The following AFAP1 variants were observed in gnomAD, a reference collection of about 807,000 sequenced individuals.
The protein encoded by AFAP1 is actin filament associated protein 1.
In AFAP1, 75 loss-of-function variants were observed where a neutral mutation model predicts 93.9. The observed-to-expected ratio is 0.80, with a 90% confidence interval of 0.66 to 0.97. The LOEUF is 0.97. Ranked by LOEUF, AFAP1 falls within the 50% of genes least tolerant of loss-of-function variation. The probability of loss-of-function intolerance (pLI) is 0.00; values close to 1 mark genes in which losing one functional copy is unlikely to be tolerated. For synonymous variants in AFAP1, 517 were observed against 430.7 expected, an observed-to-expected ratio of 1.20 and a Z score of -2.48; for missense variants, 1,201 against 1,050.8, an observed-to-expected ratio of 1.14 and a Z score of -1.98.
intron 16 of AFAP1, among the ~76,000 whole-genome samples, chr4:7,771,140 T>G (rs1163062434): frequency 6.6e-6 from 1 of 152,208 alleles, no homozygotes; most frequent in African/African-American, 2.4e-5. Flanking sequence ...GCCTCCCTCA[T>G]GAGAAGATAA....
chr4:7,816,223 G>T, intron 7 of AFAP1, 124 bp from the exon 8 acceptor site: 1 of 759,680 alleles, frequency 1.3e-6, no homozygotes, highest in Non-Finnish European at 2.1e-6. Context: ...TAGCAATCCA[G>T]AAGTGGTTAG....
At chr4:7,918,853 C>T (rs1409379775) in intron 1 of AFAP1, among the ~76,000 whole-genome samples, 1 of 134,172 alleles carries the variant, frequency 7.5e-6, no homozygotes, top group Admixed American at 7.8e-5. Context: ...CTGAGACGCT[C>T]GGCCCAGGTC....
rs547249268 is a variant in AFAP1, at chr4:7,847,457, G to T, written c.335-4107C>A. Among the ~76,000 whole-genome samples the T allele has an allele frequency of 6.4e-4, 98 of 152,252 alleles. 1 individual carries two copies. The highest frequency in any genetic ancestry group is 2.2e-3 in the African/African-American group (90 of 41,572). On this transcript the variant is annotated intron_variant, in intron 4 of 17. Coordinates refer to ENST00000420658, the MANE Select transcript of AFAP1 (RefSeq NM_001134647.2). ...ATGCTTAGCAATGACCCAATCAAGA[G>T]AACTCTCCGGAAAGTATGCTTAGCG...
At chr4:7,787,646 G>A (rs898315173) in intron 11 of AFAP1, among the ~76,000 whole-genome samples, 1 of 152,204 alleles carries the variant, frequency 6.6e-6, no homozygotes, top group Non-Finnish European at 1.5e-5. Flanking sequence ...CCGTTTAGTG[G>A]CCAGAGGTGA....
chr4:7,906,202 C>A (rs1239781188), intron 1 of AFAP1, among the ~76,000 whole-genome samples: 3 of 152,134 alleles, frequency 2.0e-5, no homozygotes, highest in Non-Finnish European at 4.4e-5. Flanking sequence ...GCCTCTACTC[C>A]CAGCTCTGCG....
chr4:7,848,151 G>T (rs542190431), intron 4 of AFAP1, among the ~76,000 whole-genome samples: 6 of 128,812 alleles, frequency 4.7e-5, no homozygotes, highest in Non-Finnish European at 8.1e-5. Context: ...GAGTGAACAG[G>T]TAGATGGGTA....
chr4:7,915,321 T>C (rs1008742309), intron 1 of AFAP1, among the ~76,000 whole-genome samples: 4 of 113,438 alleles, frequency 3.5e-5, no homozygotes, highest in Non-Finnish European at 3.4e-5. Flanking sequence ...AGCATTTTTT[T>C]CCACATATTT....
chr4:7,771,183 T>G (rs1399322228), intron 16 of AFAP1, among the ~76,000 whole-genome samples: 1 of 152,246 alleles, frequency 6.6e-6, no homozygotes, highest in African/African-American at 2.4e-5. Context: ...ACCTATCTTG[T>G]TCATAACTGC....
intron 1 of AFAP1, among the ~76,000 whole-genome samples, chr4:7,888,623 T>G (rs1294550796): frequency 6.6e-6 from 1 of 152,130 alleles, no homozygotes; most frequent in Non-Finnish European, 1.5e-5. Context: ...GCTTCACTAG[T>G]GAATTCTAGC....
chr4:7,918,492 G>A (rs1428695164), intron 1 of AFAP1, among the ~76,000 whole-genome samples: 13 of 125,944 alleles, frequency 1.0e-4, no homozygotes, highest in South Asian at 2.9e-4. Context: ...TTCGGCCCAG[G>A]TCACCCGCAA....
intron 6 of AFAP1, among the ~76,000 whole-genome samples, chr4:7,823,611 A>G (rs557533572): frequency 6.6e-6 from 1 of 152,330 alleles, no homozygotes; most frequent in Non-Finnish European, 1.5e-5. Flanking sequence ...TCTAGCAGAC[A>G]GACGACGCTG....
intron 1 of AFAP1, among the ~76,000 whole-genome samples, chr4:7,879,951 C>T (rs556982612): frequency 1.3e-5 from 2 of 152,184 alleles, no homozygotes; most frequent in African/African-American, 4.8e-5. Flanking sequence ...AGACATGCGC[C>T]CCGCCGCCCA....
At chr4:7,841,341 T>A (rs4689167) in intron 5 of AFAP1, among the ~76,000 whole-genome samples, 1 of 152,050 alleles carries the variant, frequency 6.6e-6, no homozygotes, top group African/African-American at 2.4e-5. Context: ...GAGGGAGCTC[T>A]GCCTTGGGCT....
intron 17 of AFAP1, among the ~76,000 whole-genome samples, chr4:7,766,965 T>C (rs917029182): frequency 4.0e-5 from 6 of 151,790 alleles, no homozygotes; most frequent in Non-Finnish European, 7.4e-5. Flanking sequence ...ACATCCGGAA[T>C]ACGTCAGACC....
chr4:7,782,281 C>T (rs556545917), intron 12 of AFAP1, among the ~76,000 whole-genome samples: 1 of 152,362 alleles, frequency 6.6e-6, no homozygotes, highest in Non-Finnish European at 1.5e-5. Context: ...GCCTCGCGCT[C>T]CTTCTGGGGA....
At chr4:7,805,645 T>C (rs1719440335) in intron 9 of AFAP1, among the ~76,000 whole-genome samples, 1 of 152,190 alleles carries the variant, frequency 6.6e-6, no homozygotes, top group South Asian at 2.1e-4. Flanking sequence ...GAGCCTGACA[T>C]CCAGAGGTGA....
chr4:7,891,029 A>T (rs577435688), intron 1 of AFAP1, among the ~76,000 whole-genome samples: 4 of 152,368 alleles, frequency 2.6e-5, no homozygotes, highest in African/African-American at 9.6e-5. Flanking sequence ...GCATGTGGAT[A>T]AACAGATTGC....
At chr4:7,868,104 C>G (rs544124662) in intron 3 of AFAP1, among the ~76,000 whole-genome samples, 1 of 148,804 alleles carries the variant, frequency 6.7e-6, no homozygotes, top group East Asian at 2.0e-4. Flanking sequence ...AAAAAAACAA[C>G]AAATTTGAAT....
At chr4:7,818,983 G>T in intron 7 of AFAP1, 93 bp downstream of exon 7, 1 of 1,194,028 alleles carries the variant, frequency 8.4e-7, no homozygotes, top group Non-Finnish European at 1.1e-6. Flanking sequence ...AACTGGAAGC[G>T]CTGAAATTCT....
Sources: gnomAD v4.1 joint callset for allele counts (sites outside exome capture counted in the v4.1 genomes callset) on GRCh38, gnomAD v4.1.1 for gene constraint, MANE v1.5 for transcripts, NCBI Gene and HGNC (gene_info 2026-07-23, HGNC 2026-07-21) for gene names.